PRKG2: variants seen among roughly 807,000 people sequenced by gnomAD.
PRKG2 encodes cGMP-dependent protein kinase 2.
PRKG2 carries 33 observed loss-of-function variants against 97.2 expected under a neutral mutation model. The ratio of observed to expected loss-of-function variants is 0.34; its 90% CI spans 0.26 to 0.45. PRKG2 has a LOEUF of 0.45. PRKG2 is among the 20% of genes least tolerant of loss of function. The pLI is 1.00. For synonymous variants in PRKG2, 330 were observed against 321.8 expected, an observed-to-expected ratio of 1.03 and a Z score of -0.27; for missense variants, 638 against 900.0, an observed-to-expected ratio of 0.71 and a Z score of 3.73.
In PRKG2 at chr4:81,107,276, G is replaced by A. The variant is rs573525193; in HGVS notation, c.1941-1341C>T. On this transcript the variant is annotated intron_variant, in intron 15 of 18. Transcript: ENST00000264399. ...ATAGGCATTTAGGAAAGGGGTTAAG[G>A]CTCAAAGTGTGACTTGCGGAGTCAT... 2.0e-5 allele frequency among the ~76,000 whole-genome samples: 3 copies of A among 152,232 alleles called. No homozygotes were observed. In the South Asian group the frequency reaches 6.2e-4, roughly 32 times the overall value.
chr4:81,158,278 C>G (rs1462135284), intron 6 of PRKG2, among the ~76,000 whole-genome samples: 1 of 150,312 alleles, frequency 6.7e-6, no homozygotes, highest in African/African-American at 2.5e-5. Flanking sequence ...CATTCTTATA[C>G]ACCAACAACA....
chr4:81,094,789 G>GA (rs905311913), intron 17 of PRKG2, among the ~76,000 whole-genome samples: 38 of 148,410 alleles, frequency 2.6e-4, no homozygotes, highest in African/African-American at 5.9e-4. Context: ...GAGGAAACTA[G>GA]AAAAAAAAAA....
chr4:81,139,443 T>TAC lies in PRKG2; in HGVS notation c.1544+1088_1544+1089dup, dbSNP rs1322838313. On this transcript the variant is annotated intron_variant, in intron 12 of 18. Transcript: ENST00000264399. ...ACATACTCAAACACACATATATATA[T>TAC]ACGCACACACATTTTTGTGATGTTT... Among the ~76,000 whole-genome samples, 11 of 152,198 alleles carry TAC rather than the reference T, an allele frequency of 7.2e-5. No individual in the cohort carries two copies. The East Asian group carries it at 2.1e-3, about 29-fold the overall frequency.
chr4:81,101,727 A>G (rs984198300), intron 17 of PRKG2, among the ~76,000 whole-genome samples: 1 of 151,298 alleles, frequency 6.6e-6, no homozygotes, highest in Admixed American at 6.6e-5. Flanking sequence ...AAAAAAAAAG[A>G]AAGAGAGACA....
intron 2 of PRKG2, among the ~76,000 whole-genome samples, chr4:81,194,756 A>C (rs535235708): frequency 6.6e-6 from 1 of 152,204 alleles, no homozygotes; most frequent in East Asian, 1.9e-4. Flanking sequence ...TTGCATGGTA[A>C]TTAGGTATAA....
intron 6 of PRKG2, 55 bp from the exon 7 acceptor site, chr4:81,153,776 A>G (rs1659834241): frequency 7.8e-7 from 1 of 1,283,288 alleles, no homozygotes; most frequent in African/African-American, 1.5e-5. Context: ...AAGATGGCCT[A>G]ATAGGAACAG....
At chr4:81,095,861 G>A (rs1742058064) in intron 17 of PRKG2, among the ~76,000 whole-genome samples, 1 of 152,092 alleles carries the variant, frequency 6.6e-6, no homozygotes, top group South Asian at 2.1e-4. Context: ...ACTGTAATAA[G>A]GCAAGTCACA....
Position 81,138,052 on chromosome 4 carries a change from C to T in PRKG2, c.1545-570G>A, listed in dbSNP as rs58434669. Among the ~76,000 whole-genome samples, 163 of 152,222 alleles carry T rather than the reference C, an allele frequency of 1.1e-3. 1 individual carries two copies. In the East Asian group the frequency reaches 0.028, roughly 26 times the overall value. On this transcript the variant is annotated intron_variant, in intron 12 of 18. Transcript: ENST00000264399. ...GTAGAATTGGGCTATGTTTTAGTTTCGACAAAAGCCTCAGCTTCAAGAGGC... is the reference window on the plus strand; with the variant it reads ...GTAGAATTGGGCTATGTTTTAGTTTTGACAAAAGCCTCAGCTTCAAGAGGC...
chr4:81,110,153 T>C (rs1743752581), intron 15 of PRKG2, among the ~76,000 whole-genome samples: 2 of 152,200 alleles, frequency 1.3e-5, no homozygotes, highest in Admixed American at 6.5e-5. Flanking sequence ...CTTATTATTA[T>C]GCTGAATTAT....
chr4:81,089,405 G>T lies in PRKG2; in HGVS notation c.*303C>A. ...AGGATATGATTGGAATGGAACAATA[G>T]ATTGCAGAAAAAACTGCCACTTTAA... On this transcript the variant is annotated 3_prime_UTR_variant, in exon 19 of 19. Coordinates refer to ENST00000264399, the MANE Select transcript of PRKG2 (RefSeq NM_006259.3). The T allele has an allele frequency of 3.9e-6, 1 of 257,522 alleles. No homozygotes were observed. The highest frequency in any genetic ancestry group is 7.3e-6 in the Non-Finnish European group (1 of 136,942). 16.0% of individuals were successfully genotyped at this position (257,522 alleles called of 1,614,324 possible). A position where few individuals can be genotyped will look rare whatever the true frequency, so the allele number is the denominator to read the frequency against.
Position 81,204,872 on chromosome 4 carries a change from G to A in PRKG2, c.176C>T (p.Ser59Leu), listed in dbSNP as rs543931109. The A allele has an allele frequency of 8.2e-5, 132 of 1,614,160 alleles. No homozygotes were observed. Among genetic ancestry groups the A allele is most frequent in the South Asian group, 7.1e-4 (65 of 91,078 alleles). Reference protein sequence around the residue: ...YHLKELREQLSKQTVAIAELT... With the variant: ...YHLKELREQLLKQTVAIAELT... The stretch of plus-strand genomic sequence containing the variant: ...TTCAGCAATGGCCACAGTCTGCTTC[G>A]ACAGCTGCTCCCGCAGCTCCTTCAA... The change falls in exon 2 of 19, where the codon TCG becomes TTG. Residue 59 changes from serine to leucine, a missense_variant. Coordinates refer to ENST00000264399, the MANE Select transcript of PRKG2 (RefSeq NM_006259.3).
At chr4:81,203,562 G>A (rs1393284563) in intron 2 of PRKG2, among the ~76,000 whole-genome samples, 1 of 151,990 alleles carries the variant, frequency 6.6e-6, no homozygotes, top group African/African-American at 2.4e-5. Flanking sequence ...ATTCAGGCTC[G>A]ACCAAGGCAT....
intron 6 of PRKG2, among the ~76,000 whole-genome samples, chr4:81,156,575 C>T (rs1267576747): frequency 2.6e-5 from 4 of 152,122 alleles, no homozygotes; most frequent in East Asian, 3.8e-4. Context: ...CTGCACCAAG[C>T]TGACCTAATA....
intron 2 of PRKG2, among the ~76,000 whole-genome samples, chr4:81,180,720 C>T (rs1053915733): frequency 1.3e-5 from 2 of 152,108 alleles, no homozygotes; most frequent in Non-Finnish European, 1.5e-5. Context: ...AATAAGCCAA[C>T]AAAAATTAGT....
intron 13 of PRKG2, among the ~76,000 whole-genome samples, chr4:81,136,758 A>T (rs1358207925): frequency 1.3e-5 from 2 of 152,084 alleles, no homozygotes; most frequent in African/African-American, 4.8e-5. Flanking sequence ...CTTTGTCATC[A>T]CTTAGTTTTC....
chr4:81,174,047 A>G (rs778536371), intron 3 of PRKG2: 1 of 152,032 alleles, frequency 6.6e-6, no homozygotes, highest in Non-Finnish European at 1.5e-5. Context: ...TACAAAAGAG[A>G]AAAAAATTGA....
chr4:81,176,214 C>T (rs143922057), intron 2 of PRKG2, among the ~76,000 whole-genome samples: 10 of 152,144 alleles, frequency 6.6e-5, no homozygotes, highest in Middle Eastern at 3.4e-3. Context: ...ATTACTAAAT[C>T]GTATCAATTT....
chr4:81,170,910 G>A (rs898607026), intron 4 of PRKG2, among the ~76,000 whole-genome samples: 2 of 151,514 alleles, frequency 1.3e-5, no homozygotes, highest in East Asian at 3.9e-4. Context: ...TGTCTATGTA[G>A]TAAAAAGTAA....
intron 10 of PRKG2, among the ~76,000 whole-genome samples, chr4:81,143,942 C>T (rs1477137355): frequency 6.6e-6 from 1 of 152,152 alleles, no homozygotes; most frequent in African/African-American, 2.4e-5. Context: ...TGAGCTAAGT[C>T]ACCAGGCAAC....
Sources: allele counts gnomAD v4.1 joint callset (sites outside exome capture counted in the v4.1 genomes callset), GRCh38; gene constraint gnomAD v4.1.1; transcripts MANE v1.5; gene names NCBI Gene and HGNC (gene_info 2026-07-23, HGNC 2026-07-21).